The following FANCI variants were observed in gnomAD, a reference collection of about 807,000 sequenced individuals.
FANCI encodes the protein FA complementation group I.
FANCI carries 156 observed loss-of-function variants against 176.1 expected under a neutral mutation model. That is an observed-to-expected ratio of 0.89 (90% CI 0.78 to 1.01). The LOEUF (loss-of-function observed/expected upper bound fraction) is 1.01. Ranked by LOEUF, FANCI falls within the 50% of genes least tolerant of loss-of-function variation. The pLI, the probability that FANCI is intolerant of heterozygous loss-of-function variation, is 0.00. For missense variants in FANCI, 1,678 were observed against 1,534.1 expected (o/e 1.09, Z -1.57); for synonymous variants, 613 against 541.7 (o/e 1.13, Z -1.83).
At chr15:89,297,172 G>T (rs2054324978) in intron 24 of FANCI, among the ~76,000 whole-genome samples, 1 of 132,648 alleles carries the variant, frequency 7.5e-6, no homozygotes, top group African/African-American at 2.5e-5. Context: ...GGGCGGCCGG[G>T]CAGAGGTGCT....
intron 3 of FANCI, among the ~76,000 whole-genome samples, chr15:89,260,233 A>C (rs1303860293): frequency 6.6e-6 from 1 of 152,222 alleles, no homozygotes; most frequent in Admixed American, 6.5e-5. Context: ...CACTAAAAAA[A>C]AATTTTCAGA....
At chr15:89,302,847 A>G (rs2054577211) in intron 27 of FANCI, among the ~76,000 whole-genome samples, 1 of 152,152 alleles carries the variant, frequency 6.6e-6, no homozygotes, top group African/African-American at 2.4e-5. Context: ...TGCTGGGATT[A>G]CAGGTGTGAG....
chr15:89,305,409 T>G lies in FANCI; in HGVS notation c.3255T>G (p.Cys1085Trp), dbSNP rs755403672. Residue 1085 changes from cysteine to tryptophan, a missense_variant and splice_region_variant, in exon 30 of 38, where the codon TGT (cysteine) becomes TGG (tryptophan). Cys to Trp is a radical substitution (Grantham distance 215). Transcript: ENST00000310775. ...VNLRTAAPTV[C>W]LLVLSQAEKV... is the part of the protein sequence containing the mutation. Reference sequence around the variant, plus strand: ...TGAGAACGGCTGCCCCCACTGTCTGTGTAAGTGTTGTACCTGAGCCATGGG... The same window carrying G: ...TGAGAACGGCTGCCCCCACTGTCTGGGTAAGTGTTGTACCTGAGCCATGGG... 159 of 1,613,248 alleles carry G rather than the reference T, an allele frequency of 9.9e-5. No homozygotes were observed. Among genetic ancestry groups the G allele is most frequent in the Non-Finnish European group, 1.3e-4 (154 of 1,179,972 alleles).
intron 2 of FANCI, among the ~76,000 whole-genome samples, chr15:89,249,922 A>G (rs1419699119): frequency 6.6e-6 from 1 of 152,238 alleles, no homozygotes; most frequent in Non-Finnish European, 1.5e-5. Flanking sequence ...TCTTAAACAC[A>G]TAGAATGTTC....
Position 89,299,819 on chromosome 15 carries a change from A to T in FANCI, c.2656A>T (p.Thr886Ser), listed in dbSNP as rs376633227. ...DITRVLLWRY[T>S]SIPTSVEESG... ...CTTCAGAGTCTTGCTATGGAGATACACTTCAATTCCTACTTCAGTGGAAGA... is the reference window on the plus strand; with the variant it reads ...CTTCAGAGTCTTGCTATGGAGATACTCTTCAATTCCTACTTCAGTGGAAGA... Residue 886 changes from threonine (T) to serine (S), a missense_variant, in exon 25 of 38, where the codon ACT (threonine) becomes TCT (serine). By Grantham distance (58) the Thr-to-Ser change is moderately conservative (BLOSUM62 1). Around this residue, in one of 3 missense-constraint regions of FANCI, gnomAD observed 1,204 missense variants for 1,077.4 expected, o/e 1.12. Transcript: ENST00000310775. The T allele has an allele frequency of 1.2e-6, 2 of 1,613,678 alleles. No homozygotes were observed. Among genetic ancestry groups the T allele is most frequent in the East Asian group, 2.2e-5 (1 of 44,860 alleles).
intron 1 of FANCI, chr15:89,245,645 G>T (rs2051931752): frequency 6.6e-6 from 1 of 152,116 alleles, no homozygotes; most frequent in African/African-American, 2.4e-5. Flanking sequence ...GTGGCAGAAA[G>T]AACTTGGAGA....
chr15:89,293,524 T>G (rs1024148778), intron 22 of FANCI, among the ~76,000 whole-genome samples: 21 of 152,108 alleles, frequency 1.4e-4, no homozygotes, highest in African/African-American at 5.1e-4. Flanking sequence ...CCATCTCTAC[T>G]AATAATGTAA....
chr15:89,244,412 G>A (rs1337073885), intron 1 of FANCI: 3 of 152,246 alleles, frequency 2.0e-5, no homozygotes, highest in African/African-American at 4.8e-5. Flanking sequence ...TGAAGAACCC[G>A]GAAGGGAAGG....
chr15:89,270,430 CAGA>C (rs1396987966), intron 10 of FANCI, among the ~76,000 whole-genome samples: 4 of 152,148 alleles, frequency 2.6e-5, no homozygotes, highest in South Asian at 2.1e-4. Flanking sequence ...CAACATTTCA[CAGA>C]AGGTTTTCGT....
intron 27 of FANCI, 56 bp downstream of exon 27, chr15:89,301,498 T>C (rs2054522903): frequency 1.7e-6 from 2 of 1,188,630 alleles, no homozygotes; most frequent in Non-Finnish European, 2.5e-6. Flanking sequence ...CAAGGATTAT[T>C]GCATCATAAA....
intron 4 of FANCI, 129 bp downstream of exon 4, chr15:89,260,972 A>C (rs749081483): frequency 1.1e-5 from 14 of 1,230,456 alleles, no homozygotes; most frequent in Non-Finnish European, 1.5e-5. Flanking sequence ...GTTGTTAAAA[A>C]ACAAAGAAGC....
chr15:89,268,810 A>C (rs1374916271), intron 10 of FANCI, among the ~76,000 whole-genome samples: 1 of 152,144 alleles, frequency 6.6e-6, no homozygotes, highest in African/African-American at 2.4e-5. Context: ...GTGGGAAAAA[A>C]GGTGAGAACT....
intron 17 of FANCI, among the ~76,000 whole-genome samples, chr15:89,283,492 C>G (rs965164861): frequency 1.1e-4 from 16 of 151,992 alleles, no homozygotes; most frequent in Non-Finnish European, 1.9e-4. Context: ...CTCAGTGTGG[C>G]TATTGAATGG....
At chr15:89,258,803 C>G in intron 3 of FANCI, 27 bp downstream of exon 3, 1 of 1,494,132 alleles carries the variant, frequency 6.7e-7, no homozygotes, top group Non-Finnish European at 9.3e-7. Flanking sequence ...TCACTTCTGT[C>G]TGTCTCCTGC....
In FANCI at chr15:89,291,646, C is replaced by CT; in HGVS notation, c.1925dup (p.Pro643AlafsTer15). On this transcript the variant is annotated frameshift_variant, in exon 20 of 38. Coordinates refer to ENST00000310775, the MANE Select transcript of FANCI (RefSeq NM_001113378.2). LOFTEE classifies it high-confidence loss of function. ...GTTCTATGAGCCAAAACCTGATCTG[C>CT]TGCCTCCTCTGAAATTAGAAGCTTG... is the stretch of plus-strand genomic sequence containing the variant. 1 of 1,613,826 alleles carries CT rather than the reference C, an allele frequency of 6.2e-7. No homozygotes were observed.
intron 11 of FANCI, 50 bp from the exon 12 acceptor site, chr15:89,274,118 G>A: frequency 7.4e-7 from 1 of 1,348,040 alleles, no homozygotes; most frequent in South Asian, 1.3e-5. Flanking sequence ...TTAGGTGCTT[G>A]ATCTTTTATT....
At chr15:89,247,154 T>G (rs2052025122) in intron 1 of FANCI, among the ~76,000 whole-genome samples, 1 of 151,132 alleles carries the variant, frequency 6.6e-6, no homozygotes, top group East Asian at 1.9e-4. Flanking sequence ...CACTGCAGCC[T>G]CACACTCTTG....
In FANCI at chr15:89,258,740, A is replaced by G. The variant is rs536960761; in HGVS notation, c.121A>G (p.Lys41Glu). 37 of 1,613,654 alleles carry G rather than the reference A, an allele frequency of 2.3e-5. No individual in the cohort carries two copies. Among genetic ancestry groups the G allele is most frequent in the Non-Finnish European group, 3.1e-5 (37 of 1,179,718 alleles). The stretch of plus-strand genomic sequence containing the variant: ...CCTTCAGAATCAAGCAGTGAAAGGA[A>G]AAGTTGCTGGAGCACTCCTGAGAGC... ...NLLQNQAVKG[K>E]VAGALLRAIF... The change falls in exon 3 of 38, where the codon AAA becomes GAA. Residue 41 changes from lysine to glutamate, a missense_variant. Lys to Glu is a moderately conservative substitution (Grantham distance 56). This residue lies in a region of FANCI where 469 missense variants were observed against 436.9 expected (regional missense o/e 1.07). Coordinates refer to ENST00000310775, the MANE Select transcript of FANCI (RefSeq NM_001113378.2).
intron 27 of FANCI, among the ~76,000 whole-genome samples, chr15:89,302,040 C>T (rs954701555): frequency 6.6e-6 from 1 of 152,286 alleles, no homozygotes; most frequent in African/African-American, 2.4e-5. Context: ...AAGAGAAGGA[C>T]CACTTGTTGG....
Sources: gnomAD v4.1 joint callset for allele counts (sites outside exome capture counted in the v4.1 genomes callset) on GRCh38, gnomAD v4.1.1 for gene constraint, gnomAD v4.1.1 regional missense constraint, MANE v1.5 for transcripts, NCBI Gene and HGNC (gene_info 2026-07-23, HGNC 2026-07-21) for gene names.